PAPSS2: variants seen among roughly 807,000 people sequenced by gnomAD.
The protein encoded by PAPSS2 is bifunctional 3'-phosphoadenosine 5'-phosphosulfate synthase 2.
In PAPSS2, 61 loss-of-function variants were observed where a neutral mutation model predicts 66.5. The ratio of observed to expected loss-of-function variants is 0.92; its 90% CI spans 0.75 to 1.14. PAPSS2 has a LOEUF of 1.14. Among genes scored for constraint, PAPSS2 ranks in the 50% most tolerant of loss-of-function variants. PAPSS2 has a pLI of 0.00. For synonymous variants in PAPSS2, 289 were observed against 287.5 expected (o/e 1.01, Z -0.05); for missense variants, 708 against 789.6 (o/e 0.90, Z 1.24).
intron 9 of PAPSS2, among the ~76,000 whole-genome samples, chr10:87,734,703 A>ATGTATG (rs57149305): frequency 5.4e-5 from 6 of 111,718 alleles, no homozygotes; most frequent in East Asian, 4.1e-4. Flanking sequence ...ATATATATAT[A>ATGTATG]TATGTATGTA....
At chr10:87,739,156 G>T (rs2131728314) in intron 9 of PAPSS2, among the ~76,000 whole-genome samples, 1 of 152,146 alleles carries the variant, frequency 6.6e-6, no homozygotes, top group South Asian at 2.1e-4. Context: ...ACTTTTAGGT[G>T]TTTCATCCAT....
At chr10:87,724,885 A>AC (rs1589438382) in intron 8 of PAPSS2, among the ~76,000 whole-genome samples, 1 of 51,880 alleles carries the variant, frequency 1.9e-5, no homozygotes, top group East Asian at 1.2e-3. Context: ...CACACATAGA[A>AC]AGAGAGAGAT....
chr10:87,736,708 A>C (rs1225110363), intron 9 of PAPSS2, among the ~76,000 whole-genome samples: 1 of 152,258 alleles, frequency 6.6e-6, no homozygotes, highest in East Asian at 1.9e-4. Flanking sequence ...GCTAAATAAA[A>C]TGTGTTTGAT....
At chr10:87,706,174 C>A (rs1321448198) in intron 1 of PAPSS2, among the ~76,000 whole-genome samples, 2 of 140,906 alleles carry the variant, frequency 1.4e-5, no homozygotes, top group Non-Finnish European at 3.0e-5. Context: ...AGAGTGGAGC[C>A]CCAGTTACCT....
chr10:87,722,834 A>T (rs1448121280), intron 8 of PAPSS2, among the ~76,000 whole-genome samples: 1 of 152,256 alleles, frequency 6.6e-6, no homozygotes, highest in African/African-American at 2.4e-5. Context: ...TTGTAGCTAC[A>T]GGCTTATAAG....
rs780713360 is a variant in PAPSS2 at position 87,714,853 on chromosome 10, T to C, written c.629T>C (p.Leu210Pro). The C allele has an allele frequency of 6.2e-7, 1 of 1,601,672 alleles. No homozygotes were observed. The highest frequency in any genetic ancestry group is 1.7e-5 in the Admixed American group (1 of 60,000). The change falls in exon 5 of 13, where the codon CTG becomes CCG. Residue 210 changes from leucine (L) to proline (P), a missense_variant. Coordinates refer to ENST00000456849, the MANE Select transcript of PAPSS2 (RefSeq NM_001015880.2). ...SDCVHQVVELLQEQNIVPYTI... is the reference protein window; with the variant it reads ...SDCVHQVVELPQEQNIVPYTI... ...TGTGTCCACCAGGTAGTGGAACTTC[T>C]GCAAGAGCAGGTAGGTGAACCGGTT...
In PAPSS2 at chr10:87,745,144, CT is replaced by C. The variant is rs776821767; in HGVS notation, c.1635del (p.Gly546AlafsTer41). The C allele has an allele frequency of 2.5e-6, 4 of 1,614,180 alleles. No homozygotes were observed. In the South Asian group the frequency reaches 3.3e-5, roughly 13 times the overall value. On this transcript the variant is annotated frameshift_variant, in exon 12 of 13. Coordinates refer to ENST00000456849, the MANE Select transcript of PAPSS2 (RefSeq NM_001015880.2). LOFTEE classifies it high-confidence loss of function. ...GGGGGCAAGGTCTTGAGCATGGCCC[CT>C]GGCCTCACCTCTGTGGAAATCATTC... ...THGGKVLSMA[P>X]GLTSVEIIPF... is the part of the protein sequence containing the mutation.
At chr10:87,735,498 C>T (rs1280456985) in intron 9 of PAPSS2, among the ~76,000 whole-genome samples, 1 of 152,132 alleles carries the variant, frequency 6.6e-6, no homozygotes, top group Admixed American at 6.5e-5. Flanking sequence ...GTGTCCAACT[C>T]TAAGCAATGA....
At chr10:87,686,763 T>G (rs11202506) in intron 1 of PAPSS2, among the ~76,000 whole-genome samples, 18,841 of 152,210 alleles carry the variant, frequency 0.12, 1,339 homozygotes, top group South Asian at 0.28. Flanking sequence ...CCCTTCTGAT[T>G]AACGTCAGAG....
At chr10:87,711,206 C>T (rs74146337) in intron 2 of PAPSS2, among the ~76,000 whole-genome samples, 2,216 of 152,306 alleles carry the variant, frequency 0.015, 52 homozygotes, top group African/African-American at 0.049. Context: ...CTCTAAGCCT[C>T]AGTTTTCTTA....
chr10:87,736,210 T>C (rs1399757818), intron 9 of PAPSS2, among the ~76,000 whole-genome samples: 3 of 151,976 alleles, frequency 2.0e-5, no homozygotes, highest in Admixed American at 2.0e-4. Context: ...ATGGAAAATA[T>C]TTAAACTTAT....
At chr10:87,668,658 ATG>A (rs58768390) in intron 1 of PAPSS2, among the ~76,000 whole-genome samples, 58,393 of 148,990 alleles carry the variant, frequency 0.39, 11,237 homozygotes, top group East Asian at 0.5. Context: ...TACTTTAAAA[ATG>A]TGTGTGTGTG....
chr10:87,732,696 C>A (rs1853744612), intron 9 of PAPSS2, among the ~76,000 whole-genome samples: 1 of 152,118 alleles, frequency 6.6e-6, no homozygotes, highest in African/African-American at 2.4e-5. Context: ...TGGAACTGAA[C>A]CTGCAATGTT....
intron 1 of PAPSS2, among the ~76,000 whole-genome samples, chr10:87,682,883 T>C (rs887484532): frequency 1.3e-5 from 2 of 152,064 alleles, no homozygotes; most frequent in South Asian, 2.1e-4. Flanking sequence ...AAGCCTTTTT[T>C]CTCCACCAGG....
At chr10:87,664,880 A>G (rs530448684) in intron 1 of PAPSS2, among the ~76,000 whole-genome samples, 1 of 152,344 alleles carries the variant, frequency 6.6e-6, no homozygotes, top group South Asian at 2.1e-4. Context: ...GACACTTGGA[A>G]CAGCTTATAT....
intron 8 of PAPSS2, among the ~76,000 whole-genome samples, chr10:87,724,750 TATA>T (rs1411623667): frequency 6.7e-6 from 1 of 149,448 alleles, no homozygotes. Flanking sequence ...ATCTGAATTA[TATA>T]ATATTTCTGA....
At chr10:87,695,735 A>ATGTATCCGCAT (rs1431319314) in intron 1 of PAPSS2, among the ~76,000 whole-genome samples, 28 of 152,268 alleles carry the variant, frequency 1.8e-4, no homozygotes, top group African/African-American at 6.8e-4. Flanking sequence ...AATTAGATCA[A>ATGTATCCGCAT]TGATACATAA....
chr10:87,740,135 T>C (rs139259503), intron 9 of PAPSS2, among the ~76,000 whole-genome samples: 58 of 152,284 alleles, frequency 3.8e-4, no homozygotes, highest in Non-Finnish European at 6.6e-4. Context: ...GGGAACCTGA[T>C]AATTCAAGGA....
At chr10:87,712,682 C>T (rs1853477223) in intron 2 of PAPSS2, among the ~76,000 whole-genome samples, 1 of 152,100 alleles carries the variant, frequency 6.6e-6, no homozygotes, top group South Asian at 2.1e-4. Flanking sequence ...GTTTCGAACT[C>T]CTGGGCTCAA....
Sources: gnomAD v4.1 joint callset for allele counts (sites outside exome capture counted in the v4.1 genomes callset) on GRCh38, gnomAD v4.1.1 for gene constraint, MANE v1.5 for transcripts, NCBI Gene and HGNC (gene_info 2026-07-23, HGNC 2026-07-21) for gene names.